RRM2: variants seen among roughly 807,000 people sequenced by gnomAD.
RRM2 encodes the protein ribonucleotide reductase regulatory subunit M2.
A neutral mutation model predicts 45.9 loss-of-function variants in RRM2; 6 were observed. The observed-to-expected ratio is 0.13, with a 90% CI of 0.07 to 0.26. The LOEUF (loss-of-function observed/expected upper bound fraction) is 0.26. RRM2 is among the 10% of genes least tolerant of loss of function. The pLI, the probability that RRM2 is intolerant of heterozygous loss-of-function variation, is 1.00. For synonymous variants in RRM2, 177 were observed against 173.0 expected, an observed-to-expected ratio of 1.02 and a Z score of -0.18; for missense variants, 343 against 489.5, an observed-to-expected ratio of 0.70 and a Z score of 2.82.
upstream of RRM2, among the ~76,000 whole-genome samples, chr2:10,138,494 G>C (rs1190025989): frequency 6.6e-6 from 1 of 151,924 alleles, no homozygotes; most frequent in Non-Finnish European, 1.5e-5. Context: ...GTAGAGACTG[G>C]GTTTCACCAT....
At chr2:10,133,486 C>T (rs917719340), downstream of RRM2, among the ~76,000 whole-genome samples, 3 of 152,192 alleles carry the variant, frequency 2.0e-5, no homozygotes, top group Non-Finnish European at 2.9e-5. Context: ...CTGCCAGTGT[C>T]GGTCTGGAGA....
At chr2:10,126,210 G>C (rs1662778024) in intron 5 of RRM2, among the ~76,000 whole-genome samples, 1 of 128,896 alleles carries the variant, frequency 7.8e-6, no homozygotes. Context: ...AATGTCTGGT[G>C]CCCTTGGCTT....
chr2:10,177,243 T>C (rs1663935938), intron 3 of RRM2, among the ~76,000 whole-genome samples: 1 of 134,646 alleles, frequency 7.4e-6, no homozygotes, highest in Admixed American at 7.7e-5. Flanking sequence ...GAGATTTCGC[T>C]TCAATAAAAT....
At chr2:10,159,531 C>T (rs989038260) in intron 3 of RRM2, among the ~76,000 whole-genome samples, 13 of 152,168 alleles carry the variant, frequency 8.5e-5, no homozygotes, top group Admixed American at 2.0e-4. Flanking sequence ...GGTCTTTCCA[C>T]GAGGCCCTCA....
At chr2:10,124,033 C>A in intron 4 of RRM2, 181 bp downstream of exon 4, 1 of 615,934 alleles carries the variant, frequency 1.6e-6, no homozygotes, top group East Asian at 2.7e-5. Context: ...GGTATTTTCC[C>A]GACTCTAGAG....
At chr2:10,139,798 G>A (rs971213918), upstream of RRM2, among the ~76,000 whole-genome samples, 1 of 152,174 alleles carries the variant, frequency 6.6e-6, no homozygotes, top group Admixed American at 6.5e-5. Context: ...TGCTTCCTCA[G>A]TTCCCACCCT....
intron 3 of RRM2, among the ~76,000 whole-genome samples, chr2:10,146,387 T>C (rs1219675330): frequency 6.6e-6 from 1 of 152,236 alleles, no homozygotes; most frequent in East Asian, 1.9e-4. Flanking sequence ...GAGACCCTGG[T>C]ATTTTTAAAG....
chr2:10,175,386 A>C (rs1328951895), intron 3 of RRM2, among the ~76,000 whole-genome samples: 2 of 152,202 alleles, frequency 1.3e-5, no homozygotes, highest in African/African-American at 4.8e-5. Context: ...AATACACATA[A>C]ACTTTATCAT....
At chr2:10,176,371 T>C (rs56332560) in intron 3 of RRM2, among the ~76,000 whole-genome samples, 47,715 of 151,964 alleles carry the variant, frequency 0.31, 7,762 homozygotes, top group South Asian at 0.5. Context: ...CGGGTTCAAG[T>C]GATTCTCCTG....
At chr2:10,142,467 T>C (rs1240467686) in intron 3 of RRM2, 24 of 1,263,538 alleles carry the variant, frequency 1.9e-5, no homozygotes, top group Non-Finnish European at 2.5e-5. Context: ...CCTAGCTCAG[T>C]GTACAGGGCC....
intron 3 of RRM2, among the ~76,000 whole-genome samples, chr2:10,157,016 CTTTTTTTTTTTT>C (rs71391198): frequency 9.3e-5 from 8 of 85,934 alleles, no homozygotes; most frequent in South Asian, 4.5e-4. Flanking sequence ...CAGCCCATTT[CTTTTTTTTTTTT>C]TTTTTTTTTT....
At chr2:10,192,354 A>G (rs1211572808) in intron 3 of RRM2, among the ~76,000 whole-genome samples, 48 of 152,230 alleles carry the variant, frequency 3.2e-4, no homozygotes, top group Admixed American at 3.1e-3. Context: ...TGTCACGCTC[A>G]GGTGATGGTA....
intron 5 of RRM2, among the ~76,000 whole-genome samples, chr2:10,125,772 C>CT (rs1420226374): frequency 6.6e-6 from 1 of 152,128 alleles, no homozygotes; most frequent in African/African-American, 2.4e-5. Context: ...CCGTTGTAGA[C>CT]TTTGAAGTAC....
intron 3 of RRM2, among the ~76,000 whole-genome samples, chr2:10,200,443 TATGAGGCCCACAGGGACC>T (rs1249277113): frequency 2.2e-5 from 3 of 136,798 alleles, no homozygotes; most frequent in Admixed American, 7.3e-5. Flanking sequence ...GCGCGCAAAA[TATGAGGCCCACAGGGACC>T]GCGCGCGCAA....
chr2:10,177,598 C>T (rs1572519114), intron 3 of RRM2, among the ~76,000 whole-genome samples: 2 of 152,150 alleles, frequency 1.3e-5, no homozygotes, highest in Non-Finnish European at 2.9e-5. Flanking sequence ...ATCACCTGCA[C>T]ATATTTGTGG....
Position 10,199,731 on chromosome 2 carries a change from G to T in RRM2, n.483-10580G>T, listed in dbSNP as rs1201194711. ...GAAGGTGGAGCTTGCAGTGAACTGA[G>T]ATCGTGCCACTGCACTCCAGTCTGG... is the stretch of plus-strand genomic sequence containing the variant. On this transcript the variant is annotated intron_variant and non_coding_transcript_variant, in intron 3 of 3. Coordinates refer to the RRM2 transcript ENST00000381786. Among the ~76,000 whole-genome samples, 5 of 126,492 alleles carry T rather than the reference G, an allele frequency of 4.0e-5. No homozygotes were observed. The East Asian group carries it at 1.4e-3, about 36-fold the overall frequency. 83.0% of individuals were successfully genotyped at this position (126,492 alleles called of 152,430 possible). A position where few individuals can be genotyped will look rare whatever the true frequency, so the allele number is the denominator to read the frequency against.
At chr2:10,123,252 G>C in intron 2 of RRM2, 135 bp from the exon 3 acceptor site, 1 of 1,301,808 alleles carries the variant, frequency 7.7e-7, no homozygotes, top group Non-Finnish European at 1.0e-6. Context: ...TGCGACCCAC[G>C]GAGTGCGACG....
rs1664631318 is a variant in RRM2, at chr2:10,204,641, T to C, written n.483-5670T>C. Among the ~76,000 whole-genome samples the C allele has an allele frequency of 6.6e-6, 1 of 152,276 alleles. No individual in the cohort carries two copies. The highest frequency in any genetic ancestry group is 2.4e-5 in the African/African-American group (1 of 41,480). On this transcript the variant is annotated intron_variant and non_coding_transcript_variant, in intron 3 of 3. Transcript: ENST00000381786. The surrounding 1 kb of genome is among the most constrained non-coding windows in gnomAD (Gnocchi z 4.0). The stretch of plus-strand genomic sequence containing the variant: ...GAGGCCATTAGGGACAGGACGCTAA[T>C]GCATCGGCGCCCCATTGATTCTGCC...
intron 5 of RRM2, 122 bp downstream of exon 5, chr2:10,124,972 C>A: frequency 1.1e-6 from 1 of 876,072 alleles, no homozygotes; most frequent in Non-Finnish European, 1.7e-6. Context: ...ATAGGCATTC[C>A]CAGCACCCGT....
Sources: gnomAD v4.1 joint callset for allele counts (sites outside exome capture counted in the v4.1 genomes callset) on GRCh38, gnomAD v4.1.1 for gene constraint, Gnocchi (gnomAD v3.1) non-coding constraint, MANE v1.5 for transcripts, NCBI Gene and HGNC (gene_info 2026-07-23, HGNC 2026-07-21) for gene names.